The following IL20RA variants were observed in gnomAD, a reference collection of about 807,000 sequenced individuals.
IL20RA encodes the protein interleukin 20 receptor subunit alpha.
Under a neutral mutation model 36.5 loss-of-function variants are expected in IL20RA, and 29 were observed. The observed-to-expected ratio is 0.79, with a 90% CI of 0.59 to 1.08. IL20RA has a LOEUF of 1.08. Ranked by LOEUF, IL20RA falls within the 50% of genes least tolerant of loss-of-function variation. The pLI is 0.00. For synonymous variants in IL20RA, 279 were observed against 267.1 expected, an observed-to-expected ratio of 1.04 and a Z score of -0.43; for missense variants, 652 against 668.4, an observed-to-expected ratio of 0.98 and a Z score of 0.27.
chr6:137,034,909 C>T (rs562491988), intron 1 of IL20RA, among the ~76,000 whole-genome samples: 5 of 149,732 alleles, frequency 3.3e-5, no homozygotes, highest in East Asian at 3.9e-4. Context: ...TGTGCCACTG[C>T]ACTCCAGCCT....
chr6:137,026,395 A>C (rs2115403876), intron 1 of IL20RA, among the ~76,000 whole-genome samples: 1 of 152,280 alleles, frequency 6.6e-6, no homozygotes, highest in African/African-American at 2.4e-5. Flanking sequence ...TGAACTACCA[A>C]ATCTGTGTAG....
chr6:137,001,423 A>G lies in IL20RA; in HGVS notation c.*135T>C. 1 of 781,678 alleles carries G rather than the reference A, an allele frequency of 1.3e-6. No individual in the cohort carries two copies. The highest frequency in any genetic ancestry group is 2.1e-6 in the Non-Finnish European group (1 of 482,334). 48.4% of individuals were successfully genotyped at this position (781,678 alleles called of 1,614,324 possible). ...TCACACACGTGCTATGAGAATAGAG[A>G]AAAGAAATAAGTAATTCTCACAGAC... is the stretch of plus-strand genomic sequence containing the variant. On this transcript the variant is annotated 3_prime_UTR_variant, in exon 7 of 7. Transcript: ENST00000316649.
intron 1 of IL20RA, among the ~76,000 whole-genome samples, chr6:137,033,421 G>A (rs187164345): frequency 3.3e-5 from 5 of 152,354 alleles, no homozygotes; most frequent in Non-Finnish European, 1.5e-5. Context: ...GACCTGGTGG[G>A]AGGTGATTGG....
At chr6:137,044,615 C>A (rs1471356808) in intron 1 of IL20RA, 26 bp downstream of exon 1, 1 of 1,220,546 alleles carries the variant, frequency 8.2e-7, no homozygotes, top group Non-Finnish European at 1.0e-6. Flanking sequence ...ATCCCCGACC[C>A]GCACCTGGCG....
intron 1 of IL20RA, among the ~76,000 whole-genome samples, chr6:137,017,841 C>T (rs373784500): frequency 5.3e-5 from 8 of 152,010 alleles, no homozygotes; most frequent in Admixed American, 3.9e-4. Context: ...TACAGAAATC[C>T]TTGTAGAGAA....
intron 2 of IL20RA, among the ~76,000 whole-genome samples, chr6:137,012,779 A>T (rs1448526926): frequency 6.6e-6 from 1 of 152,224 alleles, no homozygotes; most frequent in Non-Finnish European, 1.5e-5. Context: ...GTGTGTCTTG[A>T]GAAAGAGGAT....
chr6:137,044,390 C>G, intron 1 of IL20RA: 1 of 1,053,352 alleles, frequency 9.5e-7, no homozygotes, highest in Non-Finnish European at 1.2e-6. Context: ...TTCTCGAGAC[C>G]GAAAGTGCGG....
intron 5 of IL20RA, among the ~76,000 whole-genome samples, chr6:137,005,202 C>G (rs1395970862): frequency 1.3e-5 from 2 of 152,230 alleles, no homozygotes; most frequent in African/African-American, 4.8e-5. Flanking sequence ...CTGTTTGACT[C>G]AATCTTTCTG....
intron 1 of IL20RA, among the ~76,000 whole-genome samples, chr6:137,021,619 C>T (rs898915533): frequency 2.6e-5 from 4 of 151,842 alleles, no homozygotes; most frequent in Non-Finnish European, 5.9e-5. Context: ...GCAGAGGTTG[C>T]AGAGAGCCAC....
In IL20RA at chr6:137,030,405, A is replaced by G. The variant is rs150918516; in HGVS notation, c.89-13302T>C. On this transcript the variant is annotated intron_variant, in intron 1 of 6. Transcript: ENST00000316649. ...TCGGCCACCAGTTTTCAATGCATAT[A>G]TCAGTAAGTACTTCAGTAAGCTGAA... 5.9e-5 allele frequency among the ~76,000 whole-genome samples: 9 copies of G among 152,236 alleles called. No homozygotes were observed. The East Asian group carries it at 1.7e-3, about 29-fold the overall frequency.
chr6:137,011,531 T>G (rs1775500969), intron 2 of IL20RA, 79 bp from the exon 3 acceptor site: 6 of 887,018 alleles, frequency 6.8e-6, no homozygotes, highest in African/African-American at 1.7e-5. Context: ...TTTATAAAAC[T>G]GAATGGAACT....
intron 4 of IL20RA, 88 bp downstream of exon 4, chr6:137,009,229 G>T: frequency 9.4e-7 from 1 of 1,062,554 alleles, no homozygotes; most frequent in Non-Finnish European, 1.5e-6. Flanking sequence ...AGATTCACAT[G>T]CAGAGAATCA....
intron 1 of IL20RA, among the ~76,000 whole-genome samples, chr6:137,029,097 G>A (rs1267263841): frequency 6.6e-6 from 1 of 152,166 alleles, no homozygotes; most frequent in African/African-American, 2.4e-5. Context: ...TTTGTGTGTA[G>A]CCTCCCATAA....
chr6:137,021,674 T>C (rs1775912572), intron 1 of IL20RA, among the ~76,000 whole-genome samples: 1 of 151,938 alleles, frequency 6.6e-6, no homozygotes, highest in African/African-American at 2.4e-5. Context: ...TCTCAAAAAA[T>C]AAAATGTTGA....
At chr6:137,043,499 C>T (rs974421144) in intron 1 of IL20RA, among the ~76,000 whole-genome samples, 5 of 151,960 alleles carry the variant, frequency 3.3e-5, no homozygotes, top group Admixed American at 2.0e-4. Context: ...TCAGTCTACC[C>T]GGGAATATTA....
intron 2 of IL20RA, among the ~76,000 whole-genome samples, chr6:137,012,833 G>C (rs1775547114): frequency 1.3e-5 from 2 of 152,194 alleles, no homozygotes. Context: ...TCTCTTTTCA[G>C]AATATGGCAA....
intron 1 of IL20RA, among the ~76,000 whole-genome samples, chr6:137,022,007 G>A (rs1351179839): frequency 6.6e-6 from 1 of 152,120 alleles, no homozygotes; most frequent in South Asian, 2.1e-4. Context: ...AAGTGGAGGA[G>A]CTGAGTTCAG....
rs1447010799 is a variant in IL20RA, at chr6:137,002,017, A to C, written c.1203T>G (p.Tyr401Ter). The change falls in exon 7 of 7, where the codon TAT becomes TAG. Residue 401 changes from tyrosine (Y) to a stop codon, truncating the protein, a stop_gained. Transcript: ENST00000316649. LOFTEE classifies it low-confidence loss of function (END_TRUNC). ...TIPPDKTVIE[Y>*]EYDVRTTDIC... The stretch of plus-strand genomic sequence containing the variant: ...TGTCAGTGGTTCTGACATCATATTC[A>C]TATTCAATGACTGTTTTATCCGGGG... 1.2e-6 allele frequency: 2 copies of C among 1,614,162 alleles called. No individual in the cohort carries two copies. Among genetic ancestry groups the C allele is most frequent in the South Asian group, 2.2e-5 (2 of 91,080 alleles).
intron 1 of IL20RA, among the ~76,000 whole-genome samples, chr6:137,030,952 C>A (rs1324859596): frequency 6.6e-6 from 1 of 152,192 alleles, no homozygotes; most frequent in Non-Finnish European, 1.5e-5. Flanking sequence ...CTATTATGTA[C>A]CCATTCTCAC....
Sources: gnomAD v4.1 joint callset for allele counts (sites outside exome capture counted in the v4.1 genomes callset) on GRCh38, gnomAD v4.1.1 for gene constraint, MANE v1.5 for transcripts, NCBI Gene and HGNC (gene_info 2026-07-23, HGNC 2026-07-21) for gene names.